The following NRXN1 variants were observed in gnomAD, a reference collection of about 807,000 sequenced individuals.
NRXN1 encodes neurexin-1.
NRXN1 carries 39 observed loss-of-function variants against 150.9 expected under a neutral mutation model. That is an observed-to-expected ratio of 0.26 (90% CI 0.20 to 0.34). NRXN1 has a LOEUF of 0.34. NRXN1 is among the 10% of genes least tolerant of loss of function. The pLI is 1.00. For missense variants in NRXN1, 1,815 were observed against 1,949.9 expected, an observed-to-expected ratio of 0.93 and a Z score of 1.30; for synonymous variants, 924 against 757.0, an observed-to-expected ratio of 1.22 and a Z score of -3.62.
chr2:50,977,111 T>G (rs1346119055), intron 2 of NRXN1, among the ~76,000 whole-genome samples: 1 of 151,954 alleles, frequency 6.6e-6, no homozygotes, highest in Non-Finnish European at 1.5e-5. Flanking sequence ...ATTTGTGAAG[T>G]TCAATACCTC....
chr2:50,588,100 C>T (rs971132666), intron 8 of NRXN1, among the ~76,000 whole-genome samples: 4 of 152,180 alleles, frequency 2.6e-5, no homozygotes, highest in Non-Finnish European at 4.4e-5. Context: ...TTTCCTACAT[C>T]ATACATCCAG....
At chr2:51,000,524 C>T (rs1345196725) in intron 2 of NRXN1, among the ~76,000 whole-genome samples, 6 of 141,018 alleles carry the variant, frequency 4.3e-5, no homozygotes, top group African/African-American at 1.1e-4. Context: ...TATGAAATTG[C>T]TAATATTATT....
intron 18 of NRXN1, among the ~76,000 whole-genome samples, chr2:50,099,352 T>A (rs1013132579): frequency 1.6e-5 from 2 of 121,930 alleles, no homozygotes; most frequent in Non-Finnish European, 3.5e-5. Flanking sequence ...CAATATTCTT[T>A]CACATCAATT....
At position 50,584,148 on chromosome 2, in the gene NRXN1, T is replaced by C. The variant is rs1251344161; in HGVS notation, c.1321-31123A>G. ...CTTTTGAAGGAGAGTGAAGAGGTTATGTCTTTGAATTAGGAGAGAAATAAT... is the reference window on the plus strand; with the variant it reads ...CTTTTGAAGGAGAGTGAAGAGGTTACGTCTTTGAATTAGGAGAGAAATAAT... On this transcript the variant is annotated intron_variant, in intron 8 of 22. Transcript: ENST00000401669. Among the ~76,000 whole-genome samples, 3 of 152,252 alleles carry C rather than the reference T, an allele frequency of 2.0e-5. No individual in the cohort carries two copies. The East Asian group carries it at 5.8e-4, about 29-fold the overall frequency.
rs566055532 is a variant in NRXN1 at position 50,539,077 on chromosome 2, TTTGA to T, written c.1760-445_1760-442del. Reference sequence around the variant, plus strand: ...TTCCTATTTTAACTGACTTGATTACTTTGATTGAGCACAATAGTTTCACAGATTA... The same window carrying T: ...TTCCTATTTTAACTGACTTGATTACTTTGAGCACAATAGTTTCACAGATTA... On this transcript the variant is annotated intron_variant, in intron 9 of 22. Transcript: ENST00000401669. 2.8e-4 allele frequency among the ~76,000 whole-genome samples: 43 copies of T among 152,348 alleles called. No individual in the cohort carries two copies. The East Asian group carries it at 6.2e-3, about 22-fold the overall frequency.
chr2:50,750,591 T>C (rs1045785728), intron 5 of NRXN1, among the ~76,000 whole-genome samples: 1 of 151,908 alleles, frequency 6.6e-6, no homozygotes, highest in African/African-American at 2.4e-5. Flanking sequence ...GAAAGTATAA[T>C]AATAATAAAA....
chr2:50,944,794 C>T (rs889919208), intron 2 of NRXN1, among the ~76,000 whole-genome samples: 10 of 152,318 alleles, frequency 6.6e-5, no homozygotes, highest in South Asian at 4.1e-4. Flanking sequence ...ATTAAAGCCT[C>T]TAGCAGCAAT....
At chr2:50,135,601 G>A (rs1449955863) in intron 18 of NRXN1, among the ~76,000 whole-genome samples, 1 of 152,214 alleles carries the variant, frequency 6.6e-6, no homozygotes, top group African/African-American at 2.4e-5. Flanking sequence ...TGAGGCGGGA[G>A]ACTGGCGTGA....
At chr2:50,487,465 A>G (rs958630020) in intron 15 of NRXN1, among the ~76,000 whole-genome samples, 1 of 152,216 alleles carries the variant, frequency 6.6e-6, no homozygotes, top group Non-Finnish European at 1.5e-5. Flanking sequence ...GAGCACTGGA[A>G]GTACCCTCTA....
At chr2:50,655,974 A>G (rs1686395231) in intron 5 of NRXN1, among the ~76,000 whole-genome samples, 1 of 152,004 alleles carries the variant, frequency 6.6e-6, no homozygotes, top group Admixed American at 6.6e-5. Context: ...ATACAAAGAA[A>G]TGGGAAAGCA....
intron 18 of NRXN1, among the ~76,000 whole-genome samples, chr2:50,219,902 T>C (rs1355903886): frequency 9.5e-5 from 8 of 84,476 alleles, no homozygotes; most frequent in East Asian, 2.7e-4. Context: ...TACACACACA[T>C]ATATATATAA....
At chr2:50,373,291 TTTTTTATTA>T (rs1420393607) in intron 17 of NRXN1, among the ~76,000 whole-genome samples, 1,332 of 38,778 alleles carry the variant, frequency 0.034, 20 homozygotes, top group African/African-American at 0.26. Flanking sequence ...TTTTATTTTA[TTTTTTATTA>T]TTATTATTAT....
chr2:50,402,360 A>AT (rs1483975754), intron 17 of NRXN1, among the ~76,000 whole-genome samples: 1 of 151,932 alleles, frequency 6.6e-6, no homozygotes, highest in African/African-American at 2.4e-5. Context: ...CTTTTTTAAC[A>AT]TCAAAAAAAT....
chr2:50,417,638 C>T (rs889190282), intron 17 of NRXN1, among the ~76,000 whole-genome samples: 5 of 151,720 alleles, frequency 3.3e-5, no homozygotes, highest in African/African-American at 4.8e-5. Flanking sequence ...TATCACAATT[C>T]TAAATAAGTG....
chr2:50,104,293 A>T (rs1701352311), intron 18 of NRXN1, among the ~76,000 whole-genome samples: 1 of 152,064 alleles, frequency 6.6e-6, no homozygotes, highest in African/African-American at 2.4e-5. Flanking sequence ...TAAGTACTAA[A>T]TATCATAGCA....
At chr2:50,813,696 A>G (rs1374090647) in intron 5 of NRXN1, among the ~76,000 whole-genome samples, 1 of 152,182 alleles carries the variant, frequency 6.6e-6, no homozygotes, top group African/African-American at 2.4e-5. Flanking sequence ...ATTGTAGATT[A>G]AAGATGTGAA....
At chr2:50,780,595 A>G (rs1438070608) in intron 5 of NRXN1, among the ~76,000 whole-genome samples, 1 of 152,174 alleles carries the variant, frequency 6.6e-6, no homozygotes, top group Non-Finnish European at 1.5e-5. Context: ...ACTGTCTTCC[A>G]AAGAGTTATA....
intron 13 of NRXN1, among the ~76,000 whole-genome samples, chr2:50,505,545 A>T (rs981300170): frequency 9.2e-5 from 14 of 152,312 alleles, no homozygotes; most frequent in African/African-American, 3.4e-4. Context: ...TGATCTAAGA[A>T]ACAATTCATT....
At chr2:50,416,567 A>G (rs767834928) in intron 17 of NRXN1, among the ~76,000 whole-genome samples, 7 of 152,164 alleles carry the variant, frequency 4.6e-5, no homozygotes, top group Non-Finnish European at 8.8e-5. Flanking sequence ...ACACTCCTAT[A>G]AAGAAATGCC....
Sources: gnomAD v4.1 joint callset for allele counts (sites outside exome capture counted in the v4.1 genomes callset) on GRCh38, gnomAD v4.1.1 for gene constraint, MANE v1.5 for transcripts, NCBI Gene and HGNC (gene_info 2026-07-23, HGNC 2026-07-21) for gene names.